PRRT2: variants seen among roughly 807,000 people sequenced by gnomAD.
PRRT2 encodes proline rich transmembrane protein 2, also known as proline-rich transmembrane protein 2.
PRRT2 carries 9 observed loss-of-function variants against 24.7 expected under a neutral mutation model. The observed-to-expected ratio is 0.36, with a 90% CI of 0.22 to 0.64. The LOEUF is 0.64. Ranked by LOEUF, PRRT2 falls within the 30% of genes least tolerant of loss-of-function variation. The pLI, the probability that PRRT2 is intolerant of heterozygous loss-of-function variation, is 0.65. For missense variants in PRRT2, 460 were observed against 435.0 expected (o/e 1.06, Z -0.51); for synonymous variants, 195 against 175.5 (o/e 1.11, Z -0.88).
At position 29,813,094 on chromosome 16, in the gene PRRT2, G is replaced by C. The variant is rs1304660738; in HGVS notation, c.40G>C (p.Val14Leu). ...CTCTGAGATCTCTGAGATGAAGGGG[G>C]TTGAGGAGAGTCCCAAGGTTCCAGG... is the stretch of plus-strand genomic sequence containing the variant. ...SSSEISEMKGVEESPKVPGEG... is the reference protein window; with the variant it reads ...SSSEISEMKGLEESPKVPGEG... Residue 14 changes from valine (V) to leucine (L), a missense_variant, in exon 2 of 4, where the codon GTT becomes CTT. Coordinates refer to ENST00000358758, the MANE Select transcript of PRRT2 (RefSeq NM_145239.3). 1 of 1,613,016 alleles carries C rather than the reference G, an allele frequency of 6.2e-7. No homozygotes were observed. Among genetic ancestry groups the C allele is most frequent in the Non-Finnish European group, 8.5e-7 (1 of 1,179,546 alleles).
Position 29,813,771 on chromosome 16 carries a change from C to T in PRRT2, c.717C>T (p.Pro239=). The T allele has an allele frequency of 1.9e-6, 3 of 1,599,416 alleles. No individual in the cohort carries two copies. The highest frequency in any genetic ancestry group is 1.7e-6 in the Non-Finnish European group (2 of 1,172,504). Reference sequence around the variant, plus strand: ...CACACAGTGGGCATCCAGGATCTCCCCGAGGTAGCCTGAGCCGCCACCCCA... The same window carrying T: ...CACACAGTGGGCATCCAGGATCTCCTCGAGGTAGCCTGAGCCGCCACCCCA... ...RRAHSGHPGS[P]RGSLSRHPSS... The change falls in exon 2 of 4, where the codon CCC becomes CCT. Residue 239 remains proline, a synonymous_variant. Coordinates refer to ENST00000358758, the MANE Select transcript of PRRT2 (RefSeq NM_145239.3).
At chr16:29,812,648 G>A (rs1378186041) in intron 1 of PRRT2, among the ~76,000 whole-genome samples, 2 of 152,224 alleles carry the variant, frequency 1.3e-5, no homozygotes, top group Admixed American at 1.3e-4. Context: ...CGGGTCCTCT[G>A]CCCAGTCGGC....
rs1322978278 is a variant in PRRT2 at position 29,814,443 on chromosome 16, C to T, written c.990C>T (p.Ala330=). 1.2e-6 allele frequency: 2 copies of T among 1,604,446 alleles called. No homozygotes were observed. The highest frequency in any genetic ancestry group is 1.3e-5 in the African/African-American group (1 of 74,734). The stretch of plus-strand genomic sequence containing the variant: ...TGGGGGGAGTCCTCATCATCATCGC[C>T]TCCTGCGTCATCAACTTAGGCGGTG... ...ALVGGVLIII[A]SCVINLGVYK Residue 330 remains alanine, a synonymous_variant, in exon 3 of 4, where the codon GCC becomes GCT. Coordinates refer to ENST00000358758, the MANE Select transcript of PRRT2 (RefSeq NM_145239.3). The surrounding 1 kb of genome is among the most constrained non-coding windows in gnomAD (Gnocchi z 4.1).
At chr16:29,812,893 C>A in intron 1 of PRRT2, 97 bp from the exon 2 acceptor site, 1 of 738,886 alleles carries the variant, frequency 1.4e-6, no homozygotes, top group Non-Finnish European at 2.2e-6. Context: ...AGAGGCAGTG[C>A]AAGGCTGGCC....
chr16:29,813,556 C>A lies in PRRT2; in HGVS notation c.502C>A (p.Pro168Thr). Reference protein sequence around the residue: ...PELPTQEDPTPEILSESVGEK... With the variant: ...PELPTQEDPTTEILSESVGEK... ...GCTCCCTACCCAGGAGGACCCCACC[C>A]CTGAGATTCTGTCTGAGAGTGTAGG... Residue 168 changes from proline to threonine, a missense_variant, in exon 2 of 4, where the codon CCT becomes ACT. By Grantham distance (38) the Pro-to-Thr change is conservative. Transcript: ENST00000358758. 6.2e-7 allele frequency: 1 copy of A among 1,613,838 alleles called. No individual in the cohort carries two copies. The highest frequency in any genetic ancestry group is 8.5e-7 in the Non-Finnish European group (1 of 1,179,836).
At position 29,814,279 on chromosome 16, in the gene PRRT2, G is replaced by T. The variant is rs1264991587; in HGVS notation, c.880-54G>T. The T allele has an allele frequency of 5.9e-6, 9 of 1,537,498 alleles. No homozygotes were observed. The highest frequency in any genetic ancestry group is 2.0e-5 in the Admixed American group (1 of 49,742). ...TGACTTTTCCACCTGATCCCTTCTG[G>T]GCTGGCTTCTCCTGACCCCGGCTAT... On this transcript the variant is annotated intron_variant, in intron 2 of 3. Transcript: ENST00000358758. The surrounding 1 kb of genome is among the most constrained non-coding windows in gnomAD (Gnocchi z 4.1).
rs551815828 is a variant in PRRT2, at chr16:29,813,329, G to A, written c.275G>A (p.Gly92Glu). The change falls in exon 2 of 4, where the codon GGA becomes GAA. Residue 92 changes from glycine (G) to glutamate (E), a missense_variant. Transcript: ENST00000358758. Reference sequence around the variant, plus strand: ...GCCACAGACCTCAGCTTAAGCCCAGGAGGGGAATCAAAGGCCAACTGCAGC... The same window carrying A: ...GCCACAGACCTCAGCTTAAGCCCAGAAGGGGAATCAAAGGCCAACTGCAGC... ...AQATDLSLSP[G>E]GESKANCSPE... is the part of the protein sequence containing the mutation. The A allele has an allele frequency of 1.6e-5, 26 of 1,614,122 alleles. 2 individuals are homozygous for A. The South Asian group carries it at 2.4e-4, about 15-fold the overall frequency.
In PRRT2 at chr16:29,814,610, C is replaced by T. The variant is rs1900154550; in HGVS notation, c.1013-18C>T. ...TCTCCCCCTCCCCCCGTCTGTCCTTCCCTCTCCTCTCCCACAGTGTATAAG... is the reference window on the plus strand; with the variant it reads ...TCTCCCCCTCCCCCCGTCTGTCCTTTCCTCTCCTCTCCCACAGTGTATAAG... On this transcript the variant is annotated intron_variant, in intron 3 of 3. Coordinates refer to ENST00000358758, the MANE Select transcript of PRRT2 (RefSeq NM_145239.3). This position sits in a 1 kb window ranked among gnomAD's most constrained non-coding sequence, Gnocchi z 4.1. 7.4e-6 allele frequency: 12 copies of T among 1,611,348 alleles called. No individual in the cohort carries two copies. Among genetic ancestry groups the T allele is most frequent in the Non-Finnish European group, 1.0e-5 (12 of 1,178,296 alleles).
At chr16:29,813,966 T>C (rs770510862) in intron 2 of PRRT2, 33 bp downstream of exon 2, 1 of 1,537,888 alleles carries the variant, frequency 6.5e-7, no homozygotes, top group East Asian at 2.3e-5. Flanking sequence ...CCAGGCCTGC[T>C]GTGGCTCCCA....
chr16:29,812,223 C>G lies in PRRT2; in HGVS notation c.-166C>G, dbSNP rs971463196. The G allele has an allele frequency of 6.3e-6, 1 of 157,532 alleles. No individual in the cohort carries two copies. The highest frequency in any genetic ancestry group is 1.4e-5 in the Non-Finnish European group (1 of 71,008). The allele number at this position is 157,532 out of a possible 1,614,324, so 9.8% of individuals were successfully genotyped here. A position where few individuals can be genotyped will look rare whatever the true frequency, so the allele number is the denominator to read the frequency against. ...CACGGGAGAGGAGAAGAGGGAGACC[C>G]GCCGCCTCCCTCCCTCCCTAGCTGA... On this transcript the variant is annotated 5_prime_UTR_variant, in exon 1 of 4. Transcript: ENST00000358758.
At chr16:29,812,781 T>TA (rs1900041758) in intron 1 of PRRT2, among the ~76,000 whole-genome samples, 3 of 151,622 alleles carry the variant, frequency 2.0e-5, no homozygotes, top group African/African-American at 7.3e-5. Flanking sequence ...AGGGTTAATC[T>TA]TCCCCAGGGC....
In PRRT2 at chr16:29,814,528, ACCCCTG is replaced by A. The variant is rs375944400; in HGVS notation, c.1012+71_1012+76del. ...AGGGTTGGCAAGGGCAGCTTTACTA[ACCCCTG>A]CCCCTGCTCTCTCCTGTCTGTCCTC... On this transcript the variant is annotated intron_variant, in intron 3 of 3. Transcript: ENST00000358758. The surrounding 1 kb of genome is among the most constrained non-coding windows in gnomAD (Gnocchi z 4.1). The A allele has an allele frequency of 7.8e-5, 125 of 1,601,212 alleles. 1 individual carries two copies. In the African/African-American group the frequency reaches 1.5e-3, roughly 19 times the overall value.
In PRRT2 at chr16:29,814,526, T is replaced by C; in HGVS notation, c.1012+61T>C. Reference sequence around the variant, plus strand: ...GAAGGGTTGGCAAGGGCAGCTTTACTAACCCCTGCCCCTGCTCTCTCCTGT... The same window carrying C: ...GAAGGGTTGGCAAGGGCAGCTTTACCAACCCCTGCCCCTGCTCTCTCCTGT... On this transcript the variant is annotated intron_variant, in intron 3 of 3. Transcript: ENST00000358758. The surrounding 1 kb of genome is among the most constrained non-coding windows in gnomAD (Gnocchi z 4.1). 1 of 1,607,448 alleles carries C rather than the reference T, an allele frequency of 6.2e-7. No individual in the cohort carries two copies. Among genetic ancestry groups the C allele is most frequent in the Non-Finnish European group, 8.5e-7 (1 of 1,176,552 alleles).
Position 29,813,420 on chromosome 16 carries a change from G to C in PRRT2, c.366G>C (p.Gln122His). ...TGAGCAAAGAGGCCACTGCAGACCA[G>C]GGGTCCAGGCTGGAGTCTGCAGCCC... ...PEVSKEATADQGSRLESAAPP... is the reference protein window; with the variant it reads ...PEVSKEATADHGSRLESAAPP... The change falls in exon 2 of 4, where the codon CAG becomes CAC. Residue 122 changes from glutamine (Q) to histidine (H), a missense_variant. By Grantham distance (24) the Gln-to-His change is conservative. Transcript: ENST00000358758. 1 of 1,614,120 alleles carries C rather than the reference G, an allele frequency of 6.2e-7. No homozygotes were observed. Among genetic ancestry groups the C allele is most frequent in the East Asian group, 2.2e-5 (1 of 44,890 alleles).
chr16:29,813,092 G>A lies in PRRT2; in HGVS notation c.38G>A (p.Gly13Glu). The change falls in exon 2 of 4, where the codon GGG (glycine) becomes GAG (glutamate). Residue 13 changes from glycine to glutamate, a missense_variant. Coordinates refer to ENST00000358758, the MANE Select transcript of PRRT2 (RefSeq NM_145239.3). ...AGCTCTGAGATCTCTGAGATGAAGGGGGTTGAGGAGAGTCCCAAGGTTCCA... is the reference window on the plus strand; with the variant it reads ...AGCTCTGAGATCTCTGAGATGAAGGAGGTTGAGGAGAGTCCCAAGGTTCCA... ...ASSSEISEMK[G>E]VEESPKVPGE... The A allele has an allele frequency of 6.2e-7, 1 of 1,612,816 alleles. No homozygotes were observed. Among genetic ancestry groups the A allele is most frequent in the Non-Finnish European group, 8.5e-7 (1 of 1,179,422 alleles).
At chr16:29,812,917 G>A (rs1383105305) in intron 1 of PRRT2, 73 bp from the exon 2 acceptor site, 3 of 891,320 alleles carry the variant, frequency 3.4e-6, no homozygotes, top group Non-Finnish European at 5.2e-6. Context: ...AGACAGGAAT[G>A]TGGCCCAATT....
rs10569553 is a variant in PRRT2, at chr16:29,815,724, TAAAAAAAAAAAAAA to T, written c.*1100_*1113del. 4 of 30,358 alleles carry T rather than the reference TAAAAAAAAAAAAAA, an allele frequency of 1.3e-4. No individual in the cohort carries two copies. Among genetic ancestry groups the T allele is most frequent in the Non-Finnish European group, 1.7e-4 (3 of 18,136 alleles). The allele number at this position is 30,358 out of a possible 1,614,324, so 1.9% of individuals were successfully genotyped here. A position where few individuals can be genotyped will look rare whatever the true frequency, so the allele number is the denominator to read the frequency against. On this transcript the variant is annotated 3_prime_UTR_variant, in exon 4 of 4. Coordinates refer to ENST00000358758, the MANE Select transcript of PRRT2 (RefSeq NM_145239.3). ...CGGATTTGGCGGGGGTTTTTTTCCT[TAAAAAAAAAAAAAA>T]AAAAAAAAAAAAAGTCTGGGGGAAG...
chr16:29,812,942 G>A, intron 1 of PRRT2, 48 bp from the exon 2 acceptor site: 1 of 1,186,982 alleles, frequency 8.4e-7, no homozygotes, highest in Non-Finnish European at 1.2e-6. Context: ...CTGCAGTGCT[G>A]AGCGCCCTCT....
chr16:29,815,061 A>C lies in PRRT2; in HGVS notation c.*423A>C. Reference sequence around the variant, plus strand: ...CCCTGGCCGCCTCCTCCCAACTTTCATTGTCTTGGCATCTCTCAACCCTCA... The same window carrying C: ...CCCTGGCCGCCTCCTCCCAACTTTCCTTGTCTTGGCATCTCTCAACCCTCA... On this transcript the variant is annotated 3_prime_UTR_variant, in exon 4 of 4. Coordinates refer to ENST00000358758, the MANE Select transcript of PRRT2 (RefSeq NM_145239.3). The C allele has an allele frequency of 1.5e-5, 3 of 194,434 alleles. No homozygotes were observed. The highest frequency in any genetic ancestry group is 1.4e-4 in the East Asian group (1 of 7,176). 12.0% of individuals were successfully genotyped at this position (194,434 alleles called of 1,614,324 possible). A position where few individuals can be genotyped will look rare whatever the true frequency, so the allele number is the denominator to read the frequency against.
Sources: allele counts gnomAD v4.1 joint callset (sites outside exome capture counted in the v4.1 genomes callset), GRCh38; gene constraint gnomAD v4.1.1; non-coding constraint Gnocchi (gnomAD v3.1); transcripts MANE v1.5; gene names NCBI Gene and HGNC (gene_info 2026-07-23, HGNC 2026-07-21).